MBOAT7: variants seen among roughly 807,000 people sequenced by gnomAD.
The protein encoded by MBOAT7 is membrane bound acylglycerophosphatidylinositol O-acyltransferase MBOAT7.
Under a neutral mutation model 47.4 loss-of-function variants are expected in MBOAT7, and 40 were observed. The ratio of observed to expected loss-of-function variants is 0.84; its 90% CI spans 0.66 to 1.10. The LOEUF (loss-of-function observed/expected upper bound fraction) is 1.10, where lower values mean the gene tolerates loss of function less well. Among genes scored for constraint, MBOAT7 ranks in the 50% least tolerant of loss-of-function variants. The probability of loss-of-function intolerance (pLI) is 0.00; values close to 1 mark genes in which losing one functional copy is unlikely to be tolerated. For synonymous variants in MBOAT7, 361 were observed against 292.0 expected, an observed-to-expected ratio of 1.24 and a Z score of -2.41; for missense variants, 680 against 655.6, an observed-to-expected ratio of 1.04 and a Z score of -0.41.
chr19:54,177,914 T>TG (rs1568787565), intron 7 of MBOAT7, among the ~76,000 whole-genome samples: 4 of 121,780 alleles, frequency 3.3e-5, no homozygotes, highest in African/African-American at 1.2e-4. Flanking sequence ...TTTTTTTTTT[T>TG]TTTTTTTTTT....
intron 1 of MBOAT7, 145 bp from the exon 2 acceptor site, chr19:54,188,656 A>AACC (rs2076531594): frequency 1.4e-6 from 1 of 739,630 alleles, no homozygotes; most frequent in South Asian, 1.9e-5. Context: ...CTCCTTTGAG[A>AACC]ACCTAGCAAC....
chr19:54,180,618 G>T lies in MBOAT7; in HGVS notation c.854+155C>A. ...AGGGATCTTTTCCCTACCGACAGGG[G>T]CTGGCAGGCCATGGTTGCCGAGGGG... On this transcript the variant is annotated intron_variant, in intron 6 of 7. Transcript: ENST00000245615. This position sits in a 1 kb window ranked among gnomAD's most constrained non-coding sequence, Gnocchi z 5.2. The T allele has an allele frequency of 1.5e-6, 1 of 680,440 alleles. No homozygotes were observed. Among genetic ancestry groups the T allele is most frequent in the Non-Finnish European group, 2.4e-6 (1 of 418,684 alleles). 42.2% of individuals were successfully genotyped at this position (680,440 alleles called of 1,614,324 possible). A position where few individuals can be genotyped will look rare whatever the true frequency, so the allele number is the denominator to read the frequency against.
Position 54,173,864 on chromosome 19 carries a change from TG to T in MBOAT7, c.*179del. ...ATTTTGTAGGAGTGGAGGTGGCCTC[TG>T]GGCAGAGGGCAGGGAGGACACCCCC... On this transcript the variant is annotated 3_prime_UTR_variant, in exon 8 of 8. Transcript: ENST00000245615. 1 of 669,954 alleles carries T rather than the reference TG, an allele frequency of 1.5e-6. No homozygotes were observed. 41.5% of individuals were successfully genotyped at this position (669,954 alleles called of 1,614,324 possible). A position where few individuals can be genotyped will look rare whatever the true frequency, so the allele number is the denominator to read the frequency against.
At chr19:54,176,811 G>C (rs2146966704) in intron 7 of MBOAT7, among the ~76,000 whole-genome samples, 1 of 152,214 alleles carries the variant, frequency 6.6e-6, no homozygotes, top group South Asian at 2.1e-4. Context: ...TCAGCACTTT[G>C]GGAGGCTGAG....
rs1336257403 is a variant in MBOAT7 at position 54,188,494 on chromosome 19, T to C, written c.15A>G (p.Glu5=). Residue 5 remains glutamate, a synonymous_variant, in exon 2 of 8, where the codon GAA becomes GAG. Coordinates refer to ENST00000245615, the MANE Select transcript of MBOAT7 (RefSeq NM_024298.5). MSPE[E]WTYLVVLLIS... ...TAAGAAGAACCACTAGATACGTCCATTCTTCAGGCGACATGGTCTGGGGGA... is the reference window on the plus strand; with the variant it reads ...TAAGAAGAACCACTAGATACGTCCACTCTTCAGGCGACATGGTCTGGGGGA... 1.3e-6 allele frequency: 2 copies of C among 1,553,262 alleles called. No individual in the cohort carries two copies. The highest frequency in any genetic ancestry group is 1.4e-5 in the African/African-American group (1 of 73,140).
intron 3 of MBOAT7, among the ~76,000 whole-genome samples, chr19:54,188,015 C>CAAAAAGAAAGAAAGAAAGAAAGAA (rs1491140764): frequency 1.5e-4 from 12 of 78,328 alleles, no homozygotes; most frequent in Admixed American, 8.1e-4. Flanking sequence ...AACTCCATCT[C>CAAAAAGAAAGAAAGAAAGAAAGAA]AGAAAGAAAG....
rs2076229914 is a variant in MBOAT7 at position 54,180,425 on chromosome 19, A to G, written c.854+348T>C. 4.9e-6 allele frequency: 1 copy of G among 202,824 alleles called. No homozygotes were observed. Among genetic ancestry groups the G allele is most frequent in the Non-Finnish European group, 9.9e-6 (1 of 100,846 alleles). The allele number at this position is 202,824 out of a possible 1,614,324, so 12.6% of individuals were successfully genotyped here. A position where few individuals can be genotyped will look rare whatever the true frequency, so the allele number is the denominator to read the frequency against. ...GAGGGTGACCCACCACTAGCAAAGG[A>G]TGGCATCCCCAGCAAGCAGGAACAA... On this transcript the variant is annotated intron_variant, in intron 6 of 7. Transcript: ENST00000245615. The surrounding 1 kb of genome is among the most constrained non-coding windows in gnomAD (Gnocchi z 5.2).
rs748238566 is a variant in MBOAT7 at position 54,178,861 on chromosome 19, C to T, written c.935G>A (p.Arg312Gln). 19 of 1,613,556 alleles carry T rather than the reference C, an allele frequency of 1.2e-5. No individual in the cohort carries two copies. The East Asian group carries it at 1.8e-4, about 15-fold the overall frequency. ...CCAGTACCGCATGCCATCGCGCACC[C>T]GCACGCAGAAATCTGTGCTGTAGCA... ...IDCYSTDFCV[R>Q]VRDGMRYWNM... Residue 312 changes from arginine to glutamine, a missense_variant, in exon 7 of 8, where the codon CGG becomes CAG. Transcript: ENST00000245615.
intron 4 of MBOAT7, among the ~76,000 whole-genome samples, chr19:54,185,041 C>T (rs1259385346): frequency 1.3e-5 from 2 of 151,442 alleles, no homozygotes; most frequent in African/African-American, 4.9e-5. Context: ...GAAACCCCAT[C>T]TCTACTAAAA....
chr19:54,184,082 C>A (rs533476139), intron 4 of MBOAT7, among the ~76,000 whole-genome samples: 1 of 152,124 alleles, frequency 6.6e-6, no homozygotes, highest in African/African-American at 2.4e-5. Context: ...CTAGTGTCAC[C>A]CCTCAAACAA....
At chr19:54,182,480 C>A (rs2076314229) in intron 5 of MBOAT7, among the ~76,000 whole-genome samples, 1 of 142,326 alleles carries the variant, frequency 7.0e-6, no homozygotes, top group Non-Finnish European at 1.5e-5. Context: ...TACTAAAAAT[C>A]AGGGAGTTGT....
In MBOAT7 at chr19:54,183,554, TGA is replaced by T. The variant is rs755707066; in HGVS notation, c.458_459del (p.Leu153GlnfsTer142). The T allele has an allele frequency of 6.2e-7, 1 of 1,608,276 alleles. No homozygotes were observed. Among genetic ancestry groups the T allele is most frequent in the African/African-American group, 1.3e-5 (1 of 74,808 alleles). On this transcript the variant is annotated frameshift_variant, in exon 5 of 8. Coordinates refer to ENST00000245615, the MANE Select transcript of MBOAT7 (RefSeq NM_024298.5). LOFTEE classifies it high-confidence loss of function. ...LPDVPSLMETLSYSYCYVGIM... is the reference protein window; with the variant it reads ...LPDVPSLMETXSYSYCYVGIM... ...ATTCCCACGTAGCAGTAGCTGTAGC[TGA>T]GTGTCTCCATCAGGGAGGGCACGTC...
chr19:54,173,759 C>T lies in MBOAT7; in HGVS notation c.*285G>A, dbSNP rs753922894. 10 of 393,112 alleles carry T rather than the reference C, an allele frequency of 2.5e-5. No homozygotes were observed. The highest frequency in any genetic ancestry group is 2.4e-4 in the East Asian group (6 of 25,144). 24.4% of individuals were successfully genotyped at this position (393,112 alleles called of 1,614,324 possible). ...AAACCCACTGCCCAGGGGCCCCTTC[C>T]GTTTTGGGGAAGTGCAGTGCTCTCT... On this transcript the variant is annotated 3_prime_UTR_variant, in exon 8 of 8. Transcript: ENST00000245615.
Position 54,178,798 on chromosome 19 carries a change from T to C in MBOAT7, c.998A>G (p.Tyr333Cys). The C allele has an allele frequency of 2.5e-6, 4 of 1,613,410 alleles. No homozygotes were observed. The highest frequency in any genetic ancestry group is 3.4e-6 in the Non-Finnish European group (4 of 1,180,006). The change falls in exon 7 of 8, where the codon TAC becomes TGC. Residue 333 changes from tyrosine to cysteine, a missense_variant. Coordinates refer to ENST00000245615, the MANE Select transcript of MBOAT7 (RefSeq NM_024298.5). ...TVQWWLAQYI[Y>C]KSAPARSYVL... ...ATAGGAACGGGCAGGTGCGCTCTTG[T>C]AGATATACTGCGCCAGCCACCACTG...
chr19:54,188,595 G>A, intron 1 of MBOAT7, 84 bp from the exon 2 acceptor site: 1 of 1,355,996 alleles, frequency 7.4e-7, no homozygotes, highest in Non-Finnish European at 1.0e-6. Flanking sequence ...CAGGAACCCA[G>A]CCTTCTAGAC....
Position 54,174,078 on chromosome 19 carries a change from G to C in MBOAT7, c.1385C>G (p.Thr462Ser). Reference sequence around the variant, plus strand: ...CCGGAGCTTCTCCGGGGCAAGGCTGGTGGGCTGGGATGCTGCCTTCCGCCG... The same window carrying C: ...CCGGAGCTTCTCCGGGGCAAGGCTGCTGGGCTGGGATGCTGCCTTCCGCCG... ...PSRRKAASQPTSLAPEKLREE is the reference protein window; with the variant it reads ...PSRRKAASQPSSLAPEKLREE Residue 462 changes from threonine to serine, a missense_variant, in exon 8 of 8, where the codon ACC becomes AGC. Coordinates refer to ENST00000245615, the MANE Select transcript of MBOAT7 (RefSeq NM_024298.5). 1 of 1,606,346 alleles carries C rather than the reference G, an allele frequency of 6.2e-7. No homozygotes were observed. The highest frequency in any genetic ancestry group is 1.1e-5 in the South Asian group (1 of 90,512).
chr19:54,188,704 A>G (rs2076533697), intron 1 of MBOAT7, among the ~76,000 whole-genome samples, 193 bp from the exon 2 acceptor site: 1 of 151,970 alleles, frequency 6.6e-6, no homozygotes, highest in Admixed American at 6.6e-5. Flanking sequence ...GGAGACAGGA[A>G]TCCACCCCCA....
chr19:54,176,590 G>C (rs1419015971), intron 7 of MBOAT7, among the ~76,000 whole-genome samples: 2 of 152,084 alleles, frequency 1.3e-5, no homozygotes, highest in Admixed American at 1.3e-4. Flanking sequence ...AGCATCCCTG[G>C]CCCCCACCCA....
In MBOAT7 at chr19:54,180,875, G is replaced by A; in HGVS notation, c.752C>T (p.Ala251Val). The change falls in exon 6 of 8, where the codon GCC becomes GTC. Residue 251 changes from alanine (A) to valine (V), a missense_variant. By Grantham distance (64) the Ala-to-Val change is moderately conservative. Coordinates refer to ENST00000245615, the MANE Select transcript of MBOAT7 (RefSeq NM_024298.5). This position sits in a 1 kb window ranked among gnomAD's most constrained non-coding sequence, Gnocchi z 5.2. ...GGCGGCAATGCAGCCGCACTCGGCG[G>A]CAATCCAGGCCACGTAGAAGCGCAT... is the stretch of plus-strand genomic sequence containing the variant. ...FRMRFYVAWI[A>V]AECGCIAAGF... is the part of the protein sequence containing the mutation. The A allele has an allele frequency of 6.3e-7, 1 of 1,591,924 alleles. No individual in the cohort carries two copies. The highest frequency in any genetic ancestry group is 1.7e-4 in the Middle Eastern group (1 of 5,944).
Sources: gnomAD v4.1 joint callset for allele counts (sites outside exome capture counted in the v4.1 genomes callset) on GRCh38, gnomAD v4.1.1 for gene constraint, Gnocchi (gnomAD v3.1) non-coding constraint, MANE v1.5 for transcripts, NCBI Gene and HGNC (gene_info 2026-07-23, HGNC 2026-07-21) for gene names.